The following SHOC2 variants were observed in gnomAD, a reference collection of about 807,000 sequenced individuals.
The protein encoded by SHOC2 is leucine-rich repeat protein SHOC-2.
A neutral mutation model predicts 50.2 loss-of-function variants in SHOC2; 4 were observed. That is an observed-to-expected ratio of 0.08 (90% CI 0.04 to 0.18). The LOEUF is 0.18. Among genes scored for constraint, SHOC2 ranks in the 10% least tolerant of loss-of-function variants. The pLI is 1.00. For synonymous variants in SHOC2, 218 were observed against 244.5 expected, an observed-to-expected ratio of 0.89 and a Z score of 1.01; for missense variants, 388 against 669.6, an observed-to-expected ratio of 0.58 and a Z score of 4.64.
Position 110,986,534 on chromosome 10 carries a change from C to T in SHOC2, c.841+769C>T, listed in dbSNP as rs112732298. 7.8e-3 allele frequency among the ~76,000 whole-genome samples: 1,180 copies of T among 152,080 alleles called. 5 individuals are homozygous for T. Among genetic ancestry groups the T allele is most frequent in the Non-Finnish European group, 0.011 (767 of 67,978 alleles). Reference sequence around the variant, plus strand: ...TGCCTCTCAGGCTGGAGTGCAGTGGCGTGATCTTTGCTCACTGCAGCCTCC... The same window carrying T: ...TGCCTCTCAGGCTGGAGTGCAGTGGTGTGATCTTTGCTCACTGCAGCCTCC... On this transcript the variant is annotated intron_variant, in intron 3 of 8. Transcript: ENST00000369452.
At position 110,973,156 on chromosome 10, in the gene SHOC2, A is replaced by G. The variant is rs1333695574; in HGVS notation, c.703+8095A>G. 2.0e-5 allele frequency among the ~76,000 whole-genome samples: 3 copies of G among 152,226 alleles called. No individual in the cohort carries two copies. In the East Asian group the frequency reaches 5.8e-4, roughly 29 times the overall value. On this transcript the variant is annotated intron_variant, in intron 2 of 8. Coordinates refer to ENST00000369452, the MANE Select transcript of SHOC2 (RefSeq NM_007373.4). ...CTAAATCTGTTCAAACTTGTGGGACAAGTGTTTCCAACTCTTTTTAATTAT... is the reference window on the plus strand; with the variant it reads ...CTAAATCTGTTCAAACTTGTGGGACGAGTGTTTCCAACTCTTTTTAATTAT...
intron 1 of SHOC2, among the ~76,000 whole-genome samples, chr10:110,941,293 C>T (rs1847139453): frequency 6.6e-6 from 1 of 151,422 alleles, no homozygotes; most frequent in Non-Finnish European, 1.5e-5. Flanking sequence ...CTGCCTGAGT[C>T]TTTGCCCATT....
At chr10:110,951,459 T>G (rs1847349785) in intron 1 of SHOC2, 1 of 152,178 alleles carries the variant, frequency 6.6e-6, no homozygotes, top group Non-Finnish European at 1.5e-5. Context: ...AGCCATGTAC[T>G]GAAAAATAGT....
intron 1 of SHOC2, among the ~76,000 whole-genome samples, chr10:110,943,514 A>G (rs1167037845): frequency 2.0e-5 from 3 of 152,102 alleles, no homozygotes; most frequent in African/African-American, 4.8e-5. Flanking sequence ...CCTTTAGTTC[A>G]TTGAACATTT....
intron 6 of SHOC2, among the ~76,000 whole-genome samples, chr10:111,009,002 A>T (rs539182579): frequency 5.3e-5 from 8 of 152,144 alleles, no homozygotes; most frequent in Non-Finnish European, 1.0e-4. Flanking sequence ...TTGAAATTTC[A>T]TTAAAATTAA....
chr10:110,983,855 C>G (rs1183123554), intron 2 of SHOC2, among the ~76,000 whole-genome samples: 1 of 152,298 alleles, frequency 6.6e-6, no homozygotes, highest in African/African-American at 2.4e-5. Context: ...GAAATGTATT[C>G]AAGTCTGTAT....
intron 8 of SHOC2, among the ~76,000 whole-genome samples, chr10:111,011,398 C>A (rs1848563108): frequency 6.6e-6 from 1 of 151,968 alleles, no homozygotes; most frequent in Non-Finnish European, 1.5e-5. Flanking sequence ...TGAAGTGTGA[C>A]CTGGACATAT....
In SHOC2 at chr10:111,012,319, A is replaced by G. The variant is rs541359882; in HGVS notation, c.*501A>G. ...GTTTACAGTCAGAGTAAATCACTGG[A>G]TTTCTTTTGTTTGTTTTGATTTGCT... On this transcript the variant is annotated 3_prime_UTR_variant, in exon 9 of 9. Coordinates refer to ENST00000369452, the MANE Select transcript of SHOC2 (RefSeq NM_007373.4). The G allele has an allele frequency of 1.2e-5, 2 of 160,598 alleles. No individual in the cohort carries two copies. Among genetic ancestry groups the G allele is most frequent in the African/African-American group, 4.8e-5 (2 of 41,534 alleles). The allele number at this position is 160,598 out of a possible 1,614,324, so 9.9% of individuals were successfully genotyped here.
chr10:111,001,318 T>C (rs7075507), intron 4 of SHOC2, among the ~76,000 whole-genome samples: 121,389 of 151,780 alleles, frequency 0.8, 48,940 homozygotes, highest in East Asian at 0.95. Context: ...CCACGCCCGG[T>C]TAATTTTGTA....
chr10:110,959,313 A>G (rs1182249551), intron 1 of SHOC2, among the ~76,000 whole-genome samples: 1 of 152,224 alleles, frequency 6.6e-6, no homozygotes, highest in African/African-American at 2.4e-5. Flanking sequence ...TAGTGCAAAA[A>G]TATTGCAGTT....
chr10:111,004,579 C>T (rs576005242), intron 4 of SHOC2, 27 bp from the exon 5 acceptor site: 2 of 1,533,042 alleles, frequency 1.3e-6, no homozygotes, highest in African/African-American at 2.7e-5. Flanking sequence ...AGTTCTAATT[C>T]TTATGTTTAT....
intron 1 of SHOC2, among the ~76,000 whole-genome samples, chr10:110,927,881 GA>G (rs373220799): frequency 4.1e-4 from 63 of 152,246 alleles, no homozygotes; most frequent in African/African-American, 1.5e-3. Context: ...GGAGGCTTGA[GA>G]AAAATGACTT....
At chr10:110,993,684 TTTTTAAATTCTAGGAACC>T (rs1848222146) in intron 3 of SHOC2, among the ~76,000 whole-genome samples, 1 of 152,160 alleles carries the variant, frequency 6.6e-6, no homozygotes. Context: ...TATTTTGTAA[TTTTTAAATTCTAGGAACC>T]TACTCTGGTT....
chr10:110,931,725 T>C (rs771695504), intron 1 of SHOC2, among the ~76,000 whole-genome samples: 3 of 151,714 alleles, frequency 2.0e-5, no homozygotes, highest in Non-Finnish European at 2.9e-5. Flanking sequence ...AATAAAAGGT[T>C]CATAATATTA....
At chr10:110,925,031 A>G (rs1239990669) in intron 1 of SHOC2, among the ~76,000 whole-genome samples, 2 of 142,406 alleles carry the variant, frequency 1.4e-5, no homozygotes, top group African/African-American at 2.6e-5. Context: ...AGAACATGCT[A>G]CTGCACTCCA....
Position 111,004,809 on chromosome 10 carries a change from G to C in SHOC2, c.1161+15G>C. ...TGAATATGAAGGTAAGCATATATTTGTTTACTAGGGAAAGGAATTGCTTTA... is the reference window on the plus strand; with the variant it reads ...TGAATATGAAGGTAAGCATATATTTCTTTACTAGGGAAAGGAATTGCTTTA... On this transcript the variant is annotated intron_variant, in intron 5 of 8. Coordinates refer to ENST00000369452, the MANE Select transcript of SHOC2 (RefSeq NM_007373.4). The C allele has an allele frequency of 1.3e-6, 2 of 1,546,742 alleles. No homozygotes were observed. Among genetic ancestry groups the C allele is most frequent in the Non-Finnish European group, 1.8e-6 (2 of 1,119,862 alleles).
chr10:110,931,092 C>T (rs190460484), intron 1 of SHOC2, among the ~76,000 whole-genome samples: 2 of 152,192 alleles, frequency 1.3e-5, no homozygotes, highest in East Asian at 3.9e-4. Context: ...AAAAAACTCC[C>T]ATTTGCTGCT....
At chr10:110,988,752 G>A (rs986021857) in intron 3 of SHOC2, among the ~76,000 whole-genome samples, 4 of 151,986 alleles carry the variant, frequency 2.6e-5, no homozygotes, top group African/African-American at 7.2e-5. Flanking sequence ...TCTTATGGTG[G>A]CAGCTTGAGG....
Position 111,009,450 on chromosome 10 carries a change from C to G in SHOC2, c.1422+65C>G, listed in dbSNP as rs905075373. ...GGAATCTGTTCCAAATTCCACATTT[C>G]TCTTAAGATTTTGATGTAATTCTTG... On this transcript the variant is annotated intron_variant, in intron 7 of 8. Transcript: ENST00000369452. 1.4e-5 allele frequency: 19 copies of G among 1,357,338 alleles called. No individual in the cohort carries two copies. The African/African-American group carries it at 2.6e-4, about 18-fold the overall frequency. 84.1% of individuals were successfully genotyped at this position (1,357,338 alleles called of 1,614,324 possible).
Sources: allele counts gnomAD v4.1 joint callset (sites outside exome capture counted in the v4.1 genomes callset), GRCh38; gene constraint gnomAD v4.1.1; transcripts MANE v1.5; gene names NCBI Gene and HGNC (gene_info 2026-07-23, HGNC 2026-07-21).